ENTPD1: variants seen among roughly 807,000 people sequenced by gnomAD.
The protein encoded by ENTPD1 is ectonucleoside triphosphate diphosphohydrolase 1, also known as ATP diphosphohydrolase.
Under a neutral mutation model 57.0 loss-of-function variants are expected in ENTPD1, and 33 were observed. That is an observed-to-expected ratio of 0.58 (90% CI 0.44 to 0.77). The LOEUF is 0.77. Ranked by LOEUF, ENTPD1 falls within the 30% of genes least tolerant of loss-of-function variation. ENTPD1 has a pLI of 0.00. For missense variants in ENTPD1, 501 were observed against 603.4 expected (o/e 0.83, Z 1.78); for synonymous variants, 202 against 218.8 (o/e 0.92, Z 0.68).
intron 1 of ENTPD1, among the ~76,000 whole-genome samples, chr10:95,816,002 AGT>A (rs1168623444): frequency 4.6e-5 from 7 of 152,088 alleles, no homozygotes; most frequent in African/African-American, 1.7e-4. Context: ...TTGAGCACAC[AGT>A]GTGTTTAGGA....
chr10:95,747,205 A>C (rs1167336954), intron 1 of ENTPD1, among the ~76,000 whole-genome samples: 1 of 152,196 alleles, frequency 6.6e-6, no homozygotes, highest in East Asian at 1.9e-4. Context: ...TTAACCTTGA[A>C]ATTGACCATG....
intron 3 of ENTPD1, among the ~76,000 whole-genome samples, chr10:95,840,912 T>C (rs1209509308): frequency 1.3e-5 from 2 of 151,680 alleles, no homozygotes; most frequent in African/African-American, 4.8e-5. Context: ...CCACTAATTT[T>C]CACAGGTCGT....
chr10:95,713,955 A>T (rs2097968668), intron 1 of ENTPD1, among the ~76,000 whole-genome samples: 1 of 152,198 alleles, frequency 6.6e-6, no homozygotes, highest in African/African-American at 2.4e-5. Flanking sequence ...TCTCTATTTT[A>T]TTTATTTAGT....
At chr10:95,708,773 C>T (rs1346891594), upstream of ENTPD1, among the ~76,000 whole-genome samples, 1 of 152,088 alleles carries the variant, frequency 6.6e-6, no homozygotes, top group Non-Finnish European at 1.5e-5. Context: ...ATCATTTACA[C>T]TAAAAAAGGC....
upstream of ENTPD1, among the ~76,000 whole-genome samples, chr10:95,708,621 T>G (rs1449524808): frequency 6.6e-6 from 1 of 152,056 alleles, no homozygotes; most frequent in Non-Finnish European, 1.5e-5. Flanking sequence ...AGTAGCAGAG[T>G]GGATAAATAA....
intron 1 of ENTPD1, among the ~76,000 whole-genome samples, chr10:95,727,696 G>A (rs1400747058): frequency 6.6e-6 from 1 of 152,120 alleles, no homozygotes; most frequent in African/African-American, 2.4e-5. Context: ...ACAACTAATT[G>A]TGGAGTAAAT....
intron 2 of ENTPD1, among the ~76,000 whole-genome samples, chr10:95,826,888 G>A (rs944608105): frequency 6.6e-6 from 1 of 152,076 alleles, no homozygotes; most frequent in Non-Finnish European, 1.5e-5. Context: ...TGGAAGGAGG[G>A]GGAGCCTTTG....
At chr10:95,840,217 G>A (rs2098419668) in intron 3 of ENTPD1, among the ~76,000 whole-genome samples, 1 of 152,234 alleles carries the variant, frequency 6.6e-6, no homozygotes, top group South Asian at 2.1e-4. Context: ...TGATGGAGCT[G>A]CGGTTCAAAC....
At position 95,823,290 on chromosome 10, in the gene ENTPD1, T is replaced by A; in HGVS notation, c.70T>A (p.Ser24Thr). Residue 24 changes from serine to threonine, a missense_variant, in exon 2 of 10, where the codon TCC (serine) becomes ACC (threonine). Coordinates refer to ENST00000371205, the MANE Select transcript of ENTPD1 (RefSeq NM_001776.6). ...SKNILAILGF[S>T]SIIAVIALLA... ...GAATATCCTAGCCATCCTTGGCTTC[T>A]CCTCTATCATAGCTGTGATAGCTTT... 1 of 1,614,234 alleles carries A rather than the reference T, an allele frequency of 6.2e-7. No homozygotes were observed. The highest frequency in any genetic ancestry group is 8.5e-7 in the Non-Finnish European group (1 of 1,180,024).
chr10:95,795,244 T>C (rs140768140), intron 1 of ENTPD1, among the ~76,000 whole-genome samples: 8 of 152,144 alleles, frequency 5.3e-5, no homozygotes, highest in East Asian at 1.9e-4. Context: ...TCAGGGACAT[T>C]TGCTGAGTTA....
chr10:95,815,069 G>GA (rs1192116617), intron 1 of ENTPD1, among the ~76,000 whole-genome samples: 1 of 152,134 alleles, frequency 6.6e-6, no homozygotes, highest in South Asian at 2.1e-4. Context: ...ATATAGGCAG[G>GA]AAAAAACCCG....
At chr10:95,775,026 C>G (rs1281472375) in intron 1 of ENTPD1, among the ~76,000 whole-genome samples, 5 of 152,108 alleles carry the variant, frequency 3.3e-5, no homozygotes, top group African/African-American at 1.2e-4. Flanking sequence ...GTTTGTAGTT[C>G]TCCTTTAAGG....
At chr10:95,802,931 A>G (rs899993591) in intron 1 of ENTPD1, among the ~76,000 whole-genome samples, 3 of 152,132 alleles carry the variant, frequency 2.0e-5, no homozygotes, top group African/African-American at 4.8e-5. Context: ...ATACGTCTTT[A>G]TAGTAGCATG....
intron 2 of ENTPD1, among the ~76,000 whole-genome samples, chr10:95,827,749 T>C (rs1013042537): frequency 6.6e-6 from 1 of 152,138 alleles, no homozygotes; most frequent in Non-Finnish European, 1.5e-5. Context: ...CCCAAAGTGT[T>C]GGGATTACAG....
At chr10:95,763,523 T>C (rs972605828) in intron 1 of ENTPD1, among the ~76,000 whole-genome samples, 1 of 152,242 alleles carries the variant, frequency 6.6e-6, no homozygotes, top group Non-Finnish European at 1.5e-5. Context: ...GTTTTTAGGA[T>C]ATAAAATTGG....
chr10:95,761,457 C>A (rs2098062308), intron 1 of ENTPD1, among the ~76,000 whole-genome samples: 2 of 152,140 alleles, frequency 1.3e-5, no homozygotes, highest in Non-Finnish European at 2.9e-5. Context: ...GTGGCAGGGT[C>A]ATCGCATGCC....
In ENTPD1 at chr10:95,847,041, A is replaced by T. The variant is rs562153444; in HGVS notation, c.814-405A>T. Among the ~76,000 whole-genome samples the T allele has an allele frequency of 6.2e-4, 95 of 152,194 alleles. 1 individual carries two copies. The South Asian group carries it at 0.018, about 29-fold the overall frequency. ...GGAGAATGCTTGAAGAAGAAAAAAA[A>T]TTTTTTTAATAATTTTTAAATTATG... is the stretch of plus-strand genomic sequence containing the variant. On this transcript the variant is annotated intron_variant, in intron 6 of 9. Coordinates refer to ENST00000371205, the MANE Select transcript of ENTPD1 (RefSeq NM_001776.6).
At chr10:95,811,589 T>C (rs1238755289) in intron 1 of ENTPD1, among the ~76,000 whole-genome samples, 1 of 152,210 alleles carries the variant, frequency 6.6e-6, no homozygotes, top group African/African-American at 2.4e-5. Flanking sequence ...GGTCTCTCCC[T>C]ATGTTGCCCA....
At chr10:95,724,925 G>A (rs1323809593) in intron 1 of ENTPD1, among the ~76,000 whole-genome samples, 1 of 152,172 alleles carries the variant, frequency 6.6e-6, no homozygotes, top group Non-Finnish European at 1.5e-5. Flanking sequence ...ATTTCTTCCA[G>A]TACATTTTCT....
Sources: gnomAD v4.1 joint callset for allele counts (sites outside exome capture counted in the v4.1 genomes callset) on GRCh38, gnomAD v4.1.1 for gene constraint, MANE v1.5 for transcripts, NCBI Gene and HGNC (gene_info 2026-07-23, HGNC 2026-07-21) for gene names.